CCDC91: variants seen among roughly 807,000 people sequenced by gnomAD.
CCDC91 encodes the protein coiled-coil domain containing 91.
CCDC91 carries 48 observed loss-of-function variants against 63.2 expected under a neutral mutation model. The observed-to-expected ratio is 0.76, with a 90% CI of 0.60 to 0.97. The LOEUF is 0.97. Among genes scored for constraint, CCDC91 ranks in the 50% least tolerant of loss-of-function variants. The pLI is 0.00. For missense variants in CCDC91, 500 were observed against 494.6 expected (o/e 1.01, Z -0.10); for synonymous variants, 167 against 165.8 (o/e 1.01, Z -0.06).
At chr12:28,238,195 T>G (rs1326479622) in intron 1 of CCDC91, among the ~76,000 whole-genome samples, 2 of 152,314 alleles carry the variant, frequency 1.3e-5, no homozygotes, top group East Asian at 3.9e-4. Context: ...AGTTGATATC[T>G]GTTCTATATA....
At chr12:28,500,103 G>A (rs2141109115) in intron 12 of CCDC91, among the ~76,000 whole-genome samples, 1 of 152,020 alleles carries the variant, frequency 6.6e-6, no homozygotes, top group East Asian at 1.9e-4. Context: ...CAGTGATGAT[G>A]AGCTTTTTTC....
chr12:28,190,886 C>T (rs964428052), intron 1 of CCDC91: 3 of 152,246 alleles, frequency 2.0e-5, no homozygotes, highest in African/African-American at 4.8e-5. Flanking sequence ...CGGTGGGTAC[C>T]GGTATCTGCA....
At chr12:28,315,792 A>G (rs1939797546) in intron 6 of CCDC91, among the ~76,000 whole-genome samples, 1 of 151,786 alleles carries the variant, frequency 6.6e-6, no homozygotes, top group Non-Finnish European at 1.5e-5. Flanking sequence ...TTGTGCCCTC[A>G]ACAGGTAATT....
chr12:28,215,319 G>A (rs778130593), intron 1 of CCDC91, among the ~76,000 whole-genome samples: 1 of 152,068 alleles, frequency 6.6e-6, no homozygotes, highest in Non-Finnish European at 1.5e-5. Context: ...ATAATCTTGT[G>A]AGCCAATTTC....
intron 1 of CCDC91, among the ~76,000 whole-genome samples, chr12:28,253,744 G>C (rs542052200): frequency 1.3e-5 from 2 of 152,036 alleles, no homozygotes; most frequent in Non-Finnish European, 2.9e-5. Context: ...ATACCTTTCC[G>C]TAAAGATGAA....
At chr12:28,200,951 G>A (rs1388467179) in intron 1 of CCDC91, among the ~76,000 whole-genome samples, 1 of 146,980 alleles carries the variant, frequency 6.8e-6, no homozygotes, top group Admixed American at 6.6e-5. Flanking sequence ...CCGGGCAGGG[G>A]GCTGACCCCC....
chr12:28,282,645 C>T (rs1315455324), intron 3 of CCDC91, among the ~76,000 whole-genome samples: 1 of 152,100 alleles, frequency 6.6e-6, no homozygotes, highest in African/African-American at 2.4e-5. Flanking sequence ...ATTGCTGGAT[C>T]AAATGGTAGC....
chr12:28,261,860 C>T (rs532492360), intron 3 of CCDC91, among the ~76,000 whole-genome samples: 2 of 152,026 alleles, frequency 1.3e-5, no homozygotes, highest in South Asian at 2.1e-4. Context: ...CACTCACACA[C>T]TCTTTTTTCC....
chr12:28,224,592 G>A (rs1407475562), intron 1 of CCDC91, among the ~76,000 whole-genome samples: 1 of 152,114 alleles, frequency 6.6e-6, no homozygotes, highest in Non-Finnish European at 1.5e-5. Context: ...TCTCAAAGTG[G>A]TTAAGTTTTT....
chr12:28,214,786 G>A (rs994534535), intron 1 of CCDC91, among the ~76,000 whole-genome samples: 4 of 152,098 alleles, frequency 2.6e-5, no homozygotes, highest in Non-Finnish European at 5.9e-5. Flanking sequence ...TCCAGTTGTA[G>A]TCAGGATAGT....
intron 8 of CCDC91, among the ~76,000 whole-genome samples, chr12:28,406,571 C>G (rs1418333393): frequency 6.6e-6 from 1 of 152,000 alleles, no homozygotes; most frequent in Non-Finnish European, 1.5e-5. Flanking sequence ...CAGTCTGTGG[C>G]TTGTCTTTTT....
At chr12:28,257,085 C>A (rs953707368) in intron 1 of CCDC91, 117 bp from the exon 2 acceptor site, 17 of 593,792 alleles carry the variant, frequency 2.9e-5, no homozygotes, top group Admixed American at 1.1e-4. Context: ...ATAAAAAATG[C>A]ATAGACAGTT....
intron 8 of CCDC91, among the ~76,000 whole-genome samples, chr12:28,393,167 A>C (rs1449096438): frequency 2.0e-5 from 3 of 152,032 alleles, no homozygotes; most frequent in Non-Finnish European, 4.4e-5. Context: ...TTTGTTTACT[A>C]TATTTCAAAT....
At chr12:28,385,150 C>T (rs1362558421) in intron 7 of CCDC91, among the ~76,000 whole-genome samples, 12 of 151,826 alleles carry the variant, frequency 7.9e-5, no homozygotes, top group South Asian at 4.2e-4. Context: ...ATTTTTTAAA[C>T]GATAGAAAAA....
At chr12:28,417,203 AT>A (rs1475204970) in intron 8 of CCDC91, among the ~76,000 whole-genome samples, 2 of 151,632 alleles carry the variant, frequency 1.3e-5, no homozygotes, top group African/African-American at 2.4e-5. Flanking sequence ...TTAATTTTTA[AT>A]TTTTTTGCTT....
In CCDC91 at chr12:28,257,220, A is replaced by G. The variant is rs773085183; in HGVS notation, c.5A>G (p.Asp2Gly). Reference protein sequence around the residue: MDDDDFGGFEAA... With the variant: MGDDDFGGFEAA... ...TTTTCAGGTGCCACTTGAAGAATGG[A>G]TGATGATGATTTTGGTGGTTTTGAG... The change falls in exon 2 of 13, where the codon GAT becomes GGT. Residue 2 changes from aspartate (D) to glycine (G), a missense_variant. Coordinates refer to ENST00000536442, the MANE Select transcript of CCDC91 (RefSeq NM_018318.5). The G allele has an allele frequency of 7.5e-6, 12 of 1,609,556 alleles. No homozygotes were observed. In the Admixed American group the frequency reaches 1.5e-4, roughly 20 times the overall value.
At chr12:28,496,017 T>A (rs1952260109) in intron 12 of CCDC91, among the ~76,000 whole-genome samples, 1 of 151,674 alleles carries the variant, frequency 6.6e-6, no homozygotes, top group Non-Finnish European at 1.5e-5. Context: ...GAGGTTATAT[T>A]GTCTTCAACC....
At chr12:28,222,117 T>G (rs907171289) in intron 1 of CCDC91, among the ~76,000 whole-genome samples, 2 of 152,204 alleles carry the variant, frequency 1.3e-5, no homozygotes, top group African/African-American at 4.8e-5. Flanking sequence ...TTCTAGTTGC[T>G]TTTTCTCATC....
intron 1 of CCDC91, among the ~76,000 whole-genome samples, chr12:28,198,443 T>C (rs1272785852): frequency 3.3e-5 from 5 of 152,222 alleles, no homozygotes; most frequent in African/African-American, 9.6e-5. Context: ...TTACGAATTT[T>C]ATACAGACAA....
Sources: gnomAD v4.1 joint callset for allele counts (sites outside exome capture counted in the v4.1 genomes callset) on GRCh38, gnomAD v4.1.1 for gene constraint, MANE v1.5 for transcripts, NCBI Gene and HGNC (gene_info 2026-07-23, HGNC 2026-07-21) for gene names.